Variants in FSTL5 observed in about 807,000 individuals in gnomAD.
FSTL5 encodes follistatin-related protein 5.
A neutral mutation model predicts 89.1 loss-of-function variants in FSTL5; 62 were observed. The observed-to-expected ratio is 0.70, with a 90% CI of 0.57 to 0.86. FSTL5 has a LOEUF of 0.86. Ranked by LOEUF, FSTL5 falls within the 40% of genes least tolerant of loss-of-function variation. The pLI is 0.00. For synonymous variants in FSTL5, 383 were observed against 346.2 expected (o/e 1.11, Z -1.18); for missense variants, 1,057 against 1,001.6 (o/e 1.06, Z -0.75).
chr4:162,056,684 A>G (rs1738554796), intron 2 of FSTL5, among the ~76,000 whole-genome samples: 1 of 152,206 alleles, frequency 6.6e-6, no homozygotes, highest in Non-Finnish European at 1.5e-5. Flanking sequence ...AGAATATAAT[A>G]GGAATCCTTA....
At chr4:161,976,708 C>T (rs1347975485) in intron 3 of FSTL5, among the ~76,000 whole-genome samples, 2 of 152,078 alleles carry the variant, frequency 1.3e-5, no homozygotes, top group African/African-American at 2.4e-5. Flanking sequence ...GTCCTGATCT[C>T]CTGACCTCGT....
intron 4 of FSTL5, among the ~76,000 whole-genome samples, chr4:161,889,857 T>C (rs1732931512): frequency 6.6e-6 from 1 of 152,184 alleles, no homozygotes; most frequent in African/African-American, 2.4e-5. Context: ...ATAAACATTC[T>C]ATGTTTTATA....
intron 15 of FSTL5, among the ~76,000 whole-genome samples, chr4:161,428,166 C>T (rs1732227232): frequency 6.6e-6 from 1 of 150,380 alleles, no homozygotes; most frequent in Non-Finnish European, 1.5e-5. Context: ...TCACATGCTA[C>T]CTATGGAGGG....
intron 2 of FSTL5, among the ~76,000 whole-genome samples, chr4:162,052,030 T>C (rs62329630): frequency 0.061 from 9,291 of 151,606 alleles, 351 homozygotes; most frequent in Non-Finnish European, 0.095. Context: ...TAAAATCTCA[T>C]AGCCAAACCT....
intron 2 of FSTL5, among the ~76,000 whole-genome samples, chr4:162,062,686 T>C (rs1738759366): frequency 6.6e-6 from 1 of 151,074 alleles, no homozygotes; most frequent in Non-Finnish European, 1.5e-5. Context: ...CAGTTGAAAT[T>C]AAAGAGTAAG....
chr4:161,429,615 C>T (rs750747369), intron 15 of FSTL5, among the ~76,000 whole-genome samples: 2 of 152,224 alleles, frequency 1.3e-5, no homozygotes, highest in Non-Finnish European at 1.5e-5. Flanking sequence ...AAGGCAGTAA[C>T]TTTCTGAGTC....
chr4:161,893,212 G>A (rs1733043860), intron 4 of FSTL5, among the ~76,000 whole-genome samples: 1 of 152,036 alleles, frequency 6.6e-6, no homozygotes, highest in Non-Finnish European at 1.5e-5. Context: ...GCATCATTAG[G>A]GACCAATAAA....
chr4:161,507,141 GAGATTGA>G (rs1730509220), intron 11 of FSTL5, among the ~76,000 whole-genome samples: 1 of 151,874 alleles, frequency 6.6e-6, no homozygotes, highest in African/African-American at 2.4e-5. Context: ...TCTCTCCTTG[GAGATTGA>G]AACTAGCATA....
At chr4:161,990,484 A>C (rs1736080868) in intron 3 of FSTL5, among the ~76,000 whole-genome samples, 1 of 152,130 alleles carries the variant, frequency 6.6e-6, no homozygotes, top group Non-Finnish European at 1.5e-5. Context: ...AATATGTCTA[A>C]TGATAAAATT....
intron 15 of FSTL5, among the ~76,000 whole-genome samples, chr4:161,396,495 A>G (rs1039936516): frequency 4.0e-5 from 6 of 151,280 alleles, no homozygotes; most frequent in Non-Finnish European, 7.4e-5. Flanking sequence ...TACAAAAAAA[A>G]AAAAAAAAAT....
chr4:161,634,455 C>T (rs952797002), intron 7 of FSTL5, among the ~76,000 whole-genome samples: 1 of 152,110 alleles, frequency 6.6e-6, no homozygotes, highest in South Asian at 2.1e-4. Flanking sequence ...TTTATTACAG[C>T]ATTAGTCACA....
intron 8 of FSTL5, among the ~76,000 whole-genome samples, chr4:161,566,079 G>A (rs1275788763): frequency 3.2e-5 from 2 of 61,574 alleles, no homozygotes; most frequent in Non-Finnish European, 6.3e-5. Flanking sequence ...AACATCTATT[G>A]TTTTTTTCTT....
chr4:161,626,269 G>A (rs760087874), intron 7 of FSTL5, among the ~76,000 whole-genome samples: 8 of 152,078 alleles, frequency 5.3e-5, no homozygotes, highest in Non-Finnish European at 1.0e-4. Context: ...AAAACAGGCC[G>A]ATTCTCTTGT....
At chr4:161,546,155 T>C (rs1328252440) in intron 8 of FSTL5, among the ~76,000 whole-genome samples, 1 of 151,222 alleles carries the variant, frequency 6.6e-6, no homozygotes, top group Non-Finnish European at 1.5e-5. Context: ...AGAAAGGCGA[T>C]AATAGAAAGT....
intron 13 of FSTL5, among the ~76,000 whole-genome samples, chr4:161,467,869 G>A (rs1291215515): frequency 6.6e-6 from 1 of 152,068 alleles, no homozygotes; most frequent in Admixed American, 6.6e-5. Flanking sequence ...TTTTTTAAAA[G>A]ATAAATGTAT....
chr4:161,468,475 A>C lies in FSTL5; in HGVS notation c.1609-9156T>G, dbSNP rs115240713. 9.4e-3 allele frequency among the ~76,000 whole-genome samples: 1,425 copies of C among 152,250 alleles called. 24 individuals carry two copies. Among genetic ancestry groups the C allele is most frequent in the African/African-American group, 0.032 (1,333 of 41,552 alleles). On this transcript the variant is annotated intron_variant, in intron 13 of 15. Transcript: ENST00000306100. The stretch of plus-strand genomic sequence containing the variant: ...AGCAGCAGGTCTACACTGGCTTTTT[A>C]GATTGCTGCCCGCAAGCATATTCCT...
intron 4 of FSTL5, among the ~76,000 whole-genome samples, chr4:161,884,644 TA>T (rs1337011676): frequency 6.6e-6 from 1 of 152,192 alleles, no homozygotes; most frequent in African/African-American, 2.4e-5. Context: ...AAATTACCTT[TA>T]TGCTTGAGAG....
At chr4:161,982,928 G>T (rs941940478) in intron 3 of FSTL5, among the ~76,000 whole-genome samples, 1 of 152,066 alleles carries the variant, frequency 6.6e-6, no homozygotes, top group African/African-American at 2.4e-5. Flanking sequence ...AATATACTAT[G>T]CATCTCCTAG....
intron 11 of FSTL5, among the ~76,000 whole-genome samples, chr4:161,507,075 A>C (rs1730506834): frequency 6.6e-6 from 1 of 152,080 alleles, no homozygotes; most frequent in South Asian, 2.1e-4. Flanking sequence ...TCATCAAAGT[A>C]ATTCATGTGC....
Sources: gnomAD v4.1 joint callset for allele counts (sites outside exome capture counted in the v4.1 genomes callset) on GRCh38, gnomAD v4.1.1 for gene constraint, MANE v1.5 for transcripts, NCBI Gene and HGNC (gene_info 2026-07-23, HGNC 2026-07-21) for gene names.